Variants in IL17RC observed in about 807,000 individuals in gnomAD.
IL17RC encodes interleukin-17 receptor C.
In IL17RC, 53 loss-of-function variants were observed where a neutral mutation model predicts 86.7. That is an observed-to-expected ratio of 0.61 (90% confidence interval 0.49 to 0.77). The LOEUF is 0.77. IL17RC is among the 30% of genes least tolerant of loss of function. IL17RC has a pLI of 0.00. For synonymous variants in IL17RC, 439 were observed against 413.1 expected (o/e 1.06, Z -0.76); for missense variants, 957 against 940.0 (o/e 1.02, Z -0.24).
In IL17RC at chr3:9,918,393, G is replaced by T; in HGVS notation, c.339G>T (p.Val113=). 6.2e-7 allele frequency: 1 copy of T among 1,611,298 alleles called. No individual in the cohort carries two copies. Among genetic ancestry groups the T allele is most frequent in the Non-Finnish European group, 8.5e-7 (1 of 1,178,710 alleles). The change falls in exon 4 of 19, where the codon GTG becomes GTT. Residue 113 remains valine, a synonymous_variant. Coordinates refer to ENST00000403601, the MANE Select transcript of IL17RC (RefSeq NM_153460.4). ...EKFGGAADSG[V]EEPRNASLQA... Reference sequence around the variant, plus strand: ...TTGGAGGAGCAGCTGACTCAGGGGTGGAGGAGCCTAGGAATGGTGAGGAGA... The same window carrying T: ...TTGGAGGAGCAGCTGACTCAGGGGTTGAGGAGCCTAGGAATGGTGAGGAGA...
intron 3 of IL17RC, 86 bp from the exon 4 acceptor site, chr3:9,918,249 G>A (rs2083269139): frequency 2.9e-6 from 4 of 1,379,438 alleles, no homozygotes; most frequent in Non-Finnish European, 4.0e-6. Context: ...TCCCAGCACT[G>A]GGCTTTCCAG....
In IL17RC at chr3:9,930,903, C is replaced by G. The variant is rs375119151; in HGVS notation, c.1347C>G (p.Asp449Glu). The G allele has an allele frequency of 1.9e-6, 3 of 1,613,870 alleles. No homozygotes were observed. Among genetic ancestry groups the G allele is most frequent in the Non-Finnish European group, 2.5e-6 (3 of 1,179,846 alleles). ...CTGTTTGTATCTTACAGCTATGGGA[C>G]GATGACTTGGGAGCGCTATGGGCCT... The part of the protein sequence containing the change: ...LQSGQCLQLW[D>E]DDLGALWACP... Residue 449 changes from aspartate (D) to glutamate (E), a missense_variant, in exon 16 of 19, where the codon GAC becomes GAG. Coordinates refer to ENST00000403601, the MANE Select transcript of IL17RC (RefSeq NM_153460.4). The surrounding 1 kb of genome is among the most constrained non-coding windows in gnomAD (Gnocchi z 5.8).
intron 16 of IL17RC, 120 bp from the exon 17 acceptor site, chr3:9,932,488 A>G: frequency 7.7e-6 from 7 of 910,600 alleles, no homozygotes; most frequent in African/African-American, 1.8e-5. Context: ...GGCCTCCCGA[A>G]GTGCTGGGAT....
At chr3:9,918,312 G>A in intron 3 of IL17RC, 23 bp from the exon 4 acceptor site, 1 of 1,556,730 alleles carries the variant, frequency 6.4e-7, no homozygotes, top group Non-Finnish European at 8.7e-7. Flanking sequence ...CTCACCCAGG[G>A]CCTTGCTCTT....
intron 9 of IL17RC, among the ~76,000 whole-genome samples, chr3:9,927,720 C>T (rs1277095835): frequency 2.0e-5 from 3 of 152,026 alleles, no homozygotes; most frequent in Non-Finnish European, 4.4e-5. Flanking sequence ...ACGGGTGGAT[C>T]ACTTGAGGTC....
chr3:9,923,534 A>G (rs2083770703), intron 7 of IL17RC, among the ~76,000 whole-genome samples: 1 of 151,862 alleles, frequency 6.6e-6, no homozygotes, highest in African/African-American at 2.4e-5. Context: ...TGGGCAACAG[A>G]GCAAGACTCC....
intron 12 of IL17RC, 170 bp from the exon 13 acceptor site, chr3:9,929,682 G>A (rs2084468317): frequency 1.4e-6 from 1 of 734,696 alleles, no homozygotes; most frequent in Non-Finnish European, 2.4e-6. Context: ...CTGGGGCAGA[G>A]AAAGATGTAG....
chr3:9,919,647 A>G (rs560963716), intron 5 of IL17RC, among the ~76,000 whole-genome samples: 2 of 152,196 alleles, frequency 1.3e-5, no homozygotes, highest in African/African-American at 4.8e-5. Flanking sequence ...TTCCGTCTCA[A>G]AAAAAAAGAA....
At chr3:9,925,099 C>T (rs962805658) in intron 9 of IL17RC, among the ~76,000 whole-genome samples, 1 of 147,260 alleles carries the variant, frequency 6.8e-6, no homozygotes, top group Non-Finnish European at 1.5e-5. Context: ...GCCACTGTGG[C>T]TTGCCCTGAT....
At chr3:9,920,102 G>T (rs1488710235) in intron 5 of IL17RC, among the ~76,000 whole-genome samples, 1 of 152,058 alleles carries the variant, frequency 6.6e-6, no homozygotes, top group Non-Finnish European at 1.5e-5. Flanking sequence ...ACATCTGCTT[G>T]GTCCATGTCA....
At chr3:9,931,466 C>CATATAT (rs1466191337) in intron 16 of IL17RC, among the ~76,000 whole-genome samples, 193 of 15,464 alleles carry the variant, frequency 0.012, 1 homozygote, top group South Asian at 0.091. Flanking sequence ...CACACACACA[C>CATATAT]ACACATATAT....
chr3:9,926,178 C>T (rs1042982112), intron 9 of IL17RC, among the ~76,000 whole-genome samples: 1 of 151,402 alleles, frequency 6.6e-6, no homozygotes, highest in Admixed American at 6.6e-5. Flanking sequence ...AGATTACAGG[C>T]ACACACCACC....
intron 12 of IL17RC, 50 bp downstream of exon 12, chr3:9,928,680 C>CT: frequency 6.3e-7 from 1 of 1,589,840 alleles, no homozygotes; most frequent in Non-Finnish European, 8.6e-7. Flanking sequence ...CTGGGCAGAC[C>CT]CCCCAGCCAA....
Position 9,928,206 on chromosome 3 carries a change from G to A in IL17RC, c.863G>A (p.Cys288Tyr). 1 of 1,613,622 alleles carries A rather than the reference G, an allele frequency of 6.2e-7. No individual in the cohort carries two copies. The highest frequency in any genetic ancestry group is 8.5e-7 in the Non-Finnish European group (1 of 1,179,984). Residue 288 changes from cysteine (C) to tyrosine (Y), a missense_variant, in exon 10 of 19, where the codon TGC becomes TAC. Physicochemically the swap from Cys to Tyr is radical, Grantham distance 194. Coordinates refer to ENST00000403601, the MANE Select transcript of IL17RC (RefSeq NM_153460.4). ...CCTGACTCCGTTAGGACGAACATCT[G>A]CCCCTTCAGGGAGGGTGAGCCGACC... is the stretch of plus-strand genomic sequence containing the variant. ...LEPDSVRTNI[C>Y]PFREDPRAHQ...
At chr3:9,925,416 G>A (rs1001640531) in intron 9 of IL17RC, among the ~76,000 whole-genome samples, 5 of 151,746 alleles carry the variant, frequency 3.3e-5, no homozygotes, top group East Asian at 1.9e-4. Context: ...GTGCCCAGCC[G>A]CTGATTGCAC....
intron 16 of IL17RC, among the ~76,000 whole-genome samples, chr3:9,931,464 C>CATATATATATAT (rs1338301646): frequency 1.3e-3 from 14 of 10,770 alleles, no homozygotes; most frequent in African/African-American, 1.6e-3. Context: ...CACACACACA[C>CATATATATATAT]ACACACATAT....
chr3:9,924,270 G>A lies in IL17RC; in HGVS notation c.801G>A (p.Leu267=). 6.2e-7 allele frequency: 1 copy of A among 1,614,058 alleles called. No homozygotes were observed. The highest frequency in any genetic ancestry group is 8.5e-7 in the Non-Finnish European group (1 of 1,179,996). Residue 267 remains leucine, a synonymous_variant, in exon 9 of 19, where the codon CTG becomes CTA. Coordinates refer to ENST00000403601, the MANE Select transcript of IL17RC (RefSeq NM_153460.4). ...TCATTACCTTGAACCACACAGACCT[G>A]GTTCCCTGCCTCTGTATTCAGGTAG... ...PQIITLNHTD[L]VPCLCIQVWP...
At position 9,933,508 on chromosome 3, in the gene IL17RC, A is replaced by G; in HGVS notation, c.2078A>G (p.Asp693Gly). The part of the protein sequence containing the change: ...QVSRALQPAL[D>G]SYFHPPGTPA... The stretch of plus-strand genomic sequence containing the variant: ...TCCCGGGCCCTTCAGCCAGCCCTGG[A>G]TAGCTACTTCCATCCCCCGGGGACT... Residue 693 changes from aspartate (D) to glycine (G), a missense_variant, in exon 19 of 19, where the codon GAT (aspartate) becomes GGT (glycine). Asp to Gly is a moderately conservative substitution (Grantham distance 94). Transcript: ENST00000403601. 5 of 1,610,940 alleles carry G rather than the reference A, an allele frequency of 3.1e-6. No homozygotes were observed. The highest frequency in any genetic ancestry group is 3.4e-6 in the Non-Finnish European group (4 of 1,179,088).
In IL17RC at chr3:9,918,365, A is replaced by T. The variant is rs1447955372; in HGVS notation, c.311A>T (p.Lys104Met). 6.2e-7 allele frequency: 1 copy of T among 1,604,054 alleles called. No individual in the cohort carries two copies. Among genetic ancestry groups the T allele is most frequent in the East Asian group, 2.2e-5 (1 of 44,450 alleles). ...TGGGAAGAGCCTGAAGATGAGGAAA[A>T]GTTTGGAGGAGCAGCTGACTCAGGG... ...GHWEEPEDEEKFGGAADSGVE... is the reference protein window; with the variant it reads ...GHWEEPEDEEMFGGAADSGVE... Residue 104 changes from lysine (K) to methionine (M), a missense_variant, in exon 4 of 19, where the codon AAG (lysine) becomes ATG (methionine). By Grantham distance (95) the Lys-to-Met change is moderately conservative (BLOSUM62 -1). Coordinates refer to ENST00000403601, the MANE Select transcript of IL17RC (RefSeq NM_153460.4).
Sources: gnomAD v4.1 joint callset for allele counts (sites outside exome capture counted in the v4.1 genomes callset) on GRCh38, gnomAD v4.1.1 for gene constraint, Gnocchi (gnomAD v3.1) non-coding constraint, MANE v1.5 for transcripts, NCBI Gene and HGNC (gene_info 2026-07-23, HGNC 2026-07-21) for gene names.